The following BACH2 variants were observed in gnomAD, a reference collection of about 807,000 sequenced individuals.
The protein encoded by BACH2 is transcription regulator protein BACH2.
Under a neutral mutation model 61.8 loss-of-function variants are expected in BACH2, and 5 were observed. That is an observed-to-expected ratio of 0.08 (90% CI 0.04 to 0.17). The LOEUF (loss-of-function observed/expected upper bound fraction) is 0.17, where lower values mean the gene tolerates loss of function less well. Ranked by LOEUF, BACH2 falls within the 10% of genes least tolerant of loss-of-function variation. The probability of loss-of-function intolerance (pLI) is 1.00; values close to 1 mark genes in which losing one functional copy is unlikely to be tolerated. For synonymous variants in BACH2, 446 were observed against 440.1 expected, an observed-to-expected ratio of 1.01 and a Z score of -0.17; for missense variants, 824 against 1,091.1, an observed-to-expected ratio of 0.76 and a Z score of 3.45.
At chr6:90,225,363 G>A (rs1235896689) in intron 3 of BACH2, among the ~76,000 whole-genome samples, 1 of 152,110 alleles carries the variant, frequency 6.6e-6, no homozygotes, top group Non-Finnish European at 1.5e-5. Context: ...CTCCAGTCTG[G>A]ATAATTGGAG....
intron 4 of BACH2, among the ~76,000 whole-genome samples, chr6:90,194,271 T>C (rs2064870): frequency 0.33 from 50,926 of 152,052 alleles, 9,804 homozygotes; most frequent in Non-Finnish European, 0.43. Flanking sequence ...TGTACCCTCT[T>C]TTATGACAGG....
At position 90,296,802 on chromosome 6, in the gene BACH2, T is replaced by TGCTGCC. The variant is rs1562549425; in HGVS notation, c.-769_-768insGGCAGC. On this transcript the variant is annotated 5_prime_UTR_variant, in exon 1 of 9. Coordinates refer to ENST00000257749, the MANE Select transcript of BACH2 (RefSeq NM_021813.4). The stretch of plus-strand genomic sequence containing the variant: ...GCACGGCCGCTGCTGCCGCTGCTGC[T>TGCTGCC]GCTGCTGCTGCTGCTGAGGCGGCGG... 47 of 175,246 alleles carry TGCTGCC rather than the reference T, an allele frequency of 2.7e-4. No individual in the cohort carries two copies. Among genetic ancestry groups the TGCTGCC allele is most frequent in the African/African-American group, 1.1e-3 (45 of 41,382 alleles). The allele number at this position is 175,246 out of a possible 1,614,324, so 10.9% of individuals were successfully genotyped here.
intron 3 of BACH2, among the ~76,000 whole-genome samples, chr6:90,235,515 A>T (rs1406053543): frequency 6.6e-6 from 1 of 152,210 alleles, no homozygotes; most frequent in African/African-American, 2.4e-5. Flanking sequence ...AGTGATCTAT[A>T]GAGAAATGCC....
At chr6:90,079,422 C>T (rs1158537413) in intron 5 of BACH2, among the ~76,000 whole-genome samples, 1 of 152,182 alleles carries the variant, frequency 6.6e-6, no homozygotes, top group African/African-American at 2.4e-5. Flanking sequence ...AACTGCATTT[C>T]AAATAAGGCA....
At chr6:90,198,794 T>C (rs117161246) in intron 4 of BACH2, among the ~76,000 whole-genome samples, 500 of 152,294 alleles carry the variant, frequency 3.3e-3, no homozygotes, top group Middle Eastern at 0.014. Context: ...AAGACTGTGA[T>C]ATGGTTTGGC....
At chr6:90,005,778 T>G (rs969128649) in intron 6 of BACH2, among the ~76,000 whole-genome samples, 1 of 152,222 alleles carries the variant, frequency 6.6e-6, no homozygotes, top group African/African-American at 2.4e-5. Flanking sequence ...AGTATGAATT[T>G]GCGTTTCATA....
intron 5 of BACH2, among the ~76,000 whole-genome samples, chr6:90,028,463 A>G (rs540380766): frequency 1.3e-5 from 2 of 152,074 alleles, no homozygotes; most frequent in South Asian, 4.1e-4. Flanking sequence ...TACCTTTTGC[A>G]TGTATGTTCT....
At chr6:90,266,457 G>T (rs192564701) in intron 2 of BACH2, among the ~76,000 whole-genome samples, 1 of 152,174 alleles carries the variant, frequency 6.6e-6, no homozygotes, top group East Asian at 1.9e-4. Flanking sequence ...GCATCTAGGT[G>T]CACATGGGCA....
chr6:89,980,167 G>A (rs1294688530), intron 6 of BACH2, among the ~76,000 whole-genome samples: 2 of 151,882 alleles, frequency 1.3e-5, no homozygotes, highest in African/African-American at 2.4e-5. Flanking sequence ...GGTGGTGTGC[G>A]CCTGTAATCC....
At position 90,008,546 on chromosome 6, in the gene BACH2, G is replaced by A; in HGVS notation, c.243+56C>T. 1.2e-6 allele frequency: 2 copies of A among 1,601,920 alleles called. No individual in the cohort carries two copies. Among genetic ancestry groups the A allele is most frequent in the Non-Finnish European group, 8.5e-7 (1 of 1,173,518 alleles). On this transcript the variant is annotated intron_variant, in intron 6 of 8. Transcript: ENST00000257749. The surrounding 1 kb of genome is among the most constrained non-coding windows in gnomAD (Gnocchi z 4.1). Reference sequence around the variant, plus strand: ...ACATCTTCTAGCTCCTAGTCAGCCAGTTTTCTGTAAGTCAATAAACATTCA... The same window carrying A: ...ACATCTTCTAGCTCCTAGTCAGCCAATTTTCTGTAAGTCAATAAACATTCA...
chr6:90,290,250 G>A (rs751177798), intron 1 of BACH2, among the ~76,000 whole-genome samples: 1 of 152,154 alleles, frequency 6.6e-6, no homozygotes, highest in African/African-American at 2.4e-5. Context: ...CCAACCTCCC[G>A]ACCAGGTTAA....
intron 5 of BACH2, among the ~76,000 whole-genome samples, chr6:90,042,536 C>A (rs1440216074): frequency 6.6e-6 from 1 of 152,038 alleles, no homozygotes; most frequent in Non-Finnish European, 1.5e-5. Flanking sequence ...GGTGTATTGA[C>A]CAGGTGCACC....
At chr6:90,071,068 C>T (rs915078473) in intron 5 of BACH2, among the ~76,000 whole-genome samples, 4 of 152,200 alleles carry the variant, frequency 2.6e-5, no homozygotes, top group Non-Finnish European at 5.9e-5. Context: ...TCACTGCAGC[C>T]TCCAACTCCT....
intron 6 of BACH2, among the ~76,000 whole-genome samples, chr6:89,989,427 T>G (rs4707583): frequency 6.6e-6 from 1 of 151,928 alleles, no homozygotes; most frequent in Non-Finnish European, 1.5e-5. Flanking sequence ...GGCTTATTTC[T>G]TCAATATAGC....
At chr6:90,009,212 A>G (rs1379999968) in intron 5 of BACH2, among the ~76,000 whole-genome samples, 1 of 152,246 alleles carries the variant, frequency 6.6e-6, no homozygotes, top group Admixed American at 6.5e-5. Flanking sequence ...TGAAAAAGAA[A>G]TTTCACATGT....
At chr6:90,292,040 T>C (rs961122255) in intron 1 of BACH2, among the ~76,000 whole-genome samples, 1 of 152,228 alleles carries the variant, frequency 6.6e-6, no homozygotes, top group African/African-American at 2.4e-5. Context: ...TGTTACATTT[T>C]ATATTGTTCT....
chr6:90,283,030 A>G (rs1343666252), intron 1 of BACH2, among the ~76,000 whole-genome samples: 3 of 152,240 alleles, frequency 2.0e-5, no homozygotes, highest in Non-Finnish European at 2.9e-5. Flanking sequence ...GTCAGGTTTT[A>G]AAATTTCTGC....
At chr6:90,037,431 A>G (rs1484519560) in intron 5 of BACH2, among the ~76,000 whole-genome samples, 9 of 152,270 alleles carry the variant, frequency 5.9e-5, no homozygotes, top group Admixed American at 5.9e-4. Flanking sequence ...AAAGGAGCCA[A>G]AAGGCTCTTC....
Position 89,932,589 on chromosome 6 carries a change from G to A in BACH2, c.2345C>T (p.Ala782Val). 6.2e-7 allele frequency: 1 copy of A among 1,614,064 alleles called. No individual in the cohort carries two copies. The highest frequency in any genetic ancestry group is 8.5e-7 in the Non-Finnish European group (1 of 1,180,002). Residue 782 changes from alanine to valine, a missense_variant, in exon 9 of 9, where the codon GCA (alanine) becomes GTA (valine). Ala to Val is a moderately conservative substitution (Grantham distance 64, BLOSUM62 0). This residue lies in a region of BACH2 where 135 missense variants were observed against 142.7 expected (regional missense o/e 0.95). Transcript: ENST00000257749. The stretch of plus-strand genomic sequence containing the variant: ...ACAATTCTCGGAGGTGTTGCTGGGT[G>A]CCCAGGGGGGTCCGGGGGGAGCCGC... The part of the protein sequence containing the change: ...PGAAPPGPPW[A>V]PSNTSENCTS...
Sources: allele counts gnomAD v4.1 joint callset (sites outside exome capture counted in the v4.1 genomes callset), GRCh38; gene constraint gnomAD v4.1.1; regional missense constraint gnomAD v4.1.1; non-coding constraint Gnocchi (gnomAD v3.1); transcripts MANE v1.5; gene names NCBI Gene and HGNC (gene_info 2026-07-23, HGNC 2026-07-21).